Variants in PRELID2 observed in about 807,000 individuals in gnomAD.
The protein encoded by PRELID2 is PRELI domain-containing protein 2.
A neutral mutation model predicts 28.4 loss-of-function variants in PRELID2; 25 were observed. The observed-to-expected ratio is 0.88, with a 90% CI of 0.64 to 1.23. The LOEUF is 1.23. PRELID2 is among the 50% of genes most tolerant of loss of function. The pLI is 0.00. For synonymous variants in PRELID2, 76 were observed against 71.6 expected, an observed-to-expected ratio of 1.06 and a Z score of -0.31; for missense variants, 201 against 214.4, an observed-to-expected ratio of 0.94 and a Z score of 0.39.
At chr5:145,276,293 C>T in the PRELID2 span, among the ~76,000 whole-genome samples, 1 of 152,110 alleles carries the variant, frequency 6.6e-6, no homozygotes, top group Admixed American at 6.6e-5. Context: ...CTTCCAACTA[C>T]ACCTTTCCAC....
intron 1 of PRELID2, among the ~76,000 whole-genome samples, chr5:145,831,803 G>A (rs1354591017): frequency 2.6e-5 from 4 of 152,090 alleles, no homozygotes; most frequent in Non-Finnish European, 4.4e-5. Flanking sequence ...GCCCTTCCCA[G>A]TTCTGCCTTT....
intron 1 of PRELID2, among the ~76,000 whole-genome samples, chr5:145,542,440 G>A (rs1227819911): frequency 6.6e-6 from 1 of 152,120 alleles, no homozygotes; most frequent in Non-Finnish European, 1.5e-5. Context: ...TGTGTGACAG[G>A]CACTTAGTAG....
rs201505408 is a variant in PRELID2, at chr5:145,742,326, A to ATTT, written n.70+22604_70+22605insAAA. On this transcript the variant is annotated intron_variant and non_coding_transcript_variant, in intron 1 of 2. Coordinates refer to the PRELID2 transcript ENST00000510259. ...TTTATATATATAAATAAAAATAGAT[A>ATTT]TATTTTTTTTTTCTGGCTACATCCT... Among the ~76,000 whole-genome samples, 248 of 136,628 alleles carry ATTT rather than the reference A, an allele frequency of 1.8e-3. 1 individual carries two copies. Among genetic ancestry groups the ATTT allele is most frequent in the African/African-American group, 5.0e-3 (186 of 37,480 alleles). The allele number at this position is 136,628 out of a possible 152,430, so 89.6% of individuals were successfully genotyped here.
chr5:145,508,562 T>C (rs908547969), intron 1 of PRELID2, among the ~76,000 whole-genome samples: 2 of 151,894 alleles, frequency 1.3e-5, no homozygotes, highest in African/African-American at 4.8e-5. Flanking sequence ...TATTTTTAAA[T>C]ATTTAATTAA....
Position 145,796,459 on chromosome 5 carries a change from G to A in PRELID2, c.457C>T (p.Arg153Ter), listed in dbSNP as rs375685870. The A allele has an allele frequency of 4.7e-5, 75 of 1,608,798 alleles. No homozygotes were observed. The East Asian group carries it at 4.9e-4, about 11-fold the overall frequency. ...VLETFASTFL[R>*]QGAQKGIRIM... ...ATGGTTACCTTCTGGGCTCCCTGTC[G>A]TAAGAATGTGCTGGCAAAAGTTTCT... Residue 153 changes from arginine (R) to a stop codon, truncating the protein, a stop_gained, in exon 5 of 7, where the codon CGA (arginine) becomes TGA (stop). Coordinates refer to ENST00000683046, the MANE Select transcript of PRELID2 (RefSeq NM_205846.3). LOFTEE classifies it high-confidence loss of function.
the PRELID2 span, among the ~76,000 whole-genome samples, chr5:145,438,971 G>A: frequency 5.3e-5 from 8 of 152,058 alleles, no homozygotes; most frequent in African/African-American, 1.4e-4. Flanking sequence ...CTGATGCAGC[G>A]ATGCTGTCAG....
At chr5:145,817,205 A>AT (rs1491260057) in intron 4 of PRELID2, among the ~76,000 whole-genome samples, 2,912 of 69,138 alleles carry the variant, frequency 0.042, 237 homozygotes, top group Non-Finnish European at 0.072. Flanking sequence ...AAAAATAAAT[A>AT]AATAAATAAA....
chr5:145,458,286 T>C, the PRELID2 span, among the ~76,000 whole-genome samples: 3 of 152,300 alleles, frequency 2.0e-5, no homozygotes, highest in Non-Finnish European at 4.4e-5. Context: ...AATGAGAAAA[T>C]AGTTAATTAT....
At chr5:145,487,314 G>A (rs1580955481) in intron 1 of PRELID2, among the ~76,000 whole-genome samples, 1 of 151,990 alleles carries the variant, frequency 6.6e-6, no homozygotes, top group Non-Finnish European at 1.5e-5. Context: ...CAGAGCATAC[G>A]GGATTTCCAC....
the PRELID2 span, among the ~76,000 whole-genome samples, chr5:145,352,816 A>G: frequency 6.6e-6 from 1 of 152,130 alleles, no homozygotes; most frequent in Non-Finnish European, 1.5e-5. Context: ...AGTTCCACAG[A>G]TCTCTAGTGA....
chr5:145,463,083 A>G, the PRELID2 span, among the ~76,000 whole-genome samples: 1 of 152,106 alleles, frequency 6.6e-6, no homozygotes, highest in Non-Finnish European at 1.5e-5. Flanking sequence ...CTGAACATAA[A>G]ATGATTGTTT....
intron 1 of PRELID2, among the ~76,000 whole-genome samples, chr5:145,611,018 A>C (rs1286760221): frequency 6.7e-6 from 1 of 148,654 alleles, no homozygotes; most frequent in African/African-American, 2.4e-5. Flanking sequence ...ATAAATATTA[A>C]AATATGTAAT....
chr5:145,738,381 G>C (rs1288876820), intron 1 of PRELID2, among the ~76,000 whole-genome samples: 1 of 152,120 alleles, frequency 6.6e-6, no homozygotes, highest in Non-Finnish European at 1.5e-5. Flanking sequence ...AGACACATTA[G>C]AATTATGTGG....
At chr5:145,599,492 G>A (rs944783304) in intron 1 of PRELID2, among the ~76,000 whole-genome samples, 10 of 151,844 alleles carry the variant, frequency 6.6e-5, no homozygotes, top group Admixed American at 1.3e-4. Flanking sequence ...TTCCTATCTC[G>A]GCCAATAGCC....
At chr5:145,398,320 A>G in the PRELID2 span, among the ~76,000 whole-genome samples, 1 of 152,108 alleles carries the variant, frequency 6.6e-6, no homozygotes, top group Non-Finnish European at 1.5e-5. Flanking sequence ...CCTCTTTTAG[A>G]TGAACGTTTC....
chr5:145,796,367 T>A, intron 5 of PRELID2, 75 bp downstream of exon 5: 1 of 881,568 alleles, frequency 1.1e-6, no homozygotes, highest in South Asian at 1.6e-5. Context: ...TGCTCATGAG[T>A]CTTATTCAAT....
chr5:145,335,847 C>T, the PRELID2 span, among the ~76,000 whole-genome samples: 5 of 152,226 alleles, frequency 3.3e-5, no homozygotes, highest in Admixed American at 6.5e-5. Flanking sequence ...GGAATCCCCA[C>T]ACTGACTTCC....
intron 3 of PRELID2, chr5:145,819,435 T>C (rs1391252119): frequency 1.3e-6 from 2 of 1,550,392 alleles, no homozygotes; most frequent in East Asian, 2.3e-5. Context: ...AGAAAACAAT[T>C]TGCTATCATG....
At chr5:145,434,931 C>T in the PRELID2 span, among the ~76,000 whole-genome samples, 1 of 152,254 alleles carries the variant, frequency 6.6e-6, no homozygotes, top group African/African-American at 2.4e-5. Context: ...CCTGGCTCTT[C>T]CACTTACTCA....
Sources: gnomAD v4.1 joint callset for allele counts (sites outside exome capture counted in the v4.1 genomes callset) on GRCh38, gnomAD v4.1.1 for gene constraint, MANE v1.5 for transcripts, NCBI Gene and HGNC (gene_info 2026-07-23, HGNC 2026-07-21) for gene names.